GAK: variants seen among roughly 807,000 people sequenced by gnomAD.
GAK encodes the protein cyclin G associated kinase.
Under a neutral mutation model 143.9 loss-of-function variants are expected in GAK, and 79 were observed. The observed-to-expected ratio is 0.55, with a 90% CI of 0.46 to 0.66. The LOEUF is 0.66. GAK is among the 30% of genes least tolerant of loss of function. The probability of loss-of-function intolerance (pLI) is 0.00; values close to 1 mark genes in which losing one functional copy is unlikely to be tolerated. For missense variants in GAK, 1,693 were observed against 1,779.7 expected, an observed-to-expected ratio of 0.95 and a Z score of 0.88; for synonymous variants, 881 against 765.5, an observed-to-expected ratio of 1.15 and a Z score of -2.49.
At chr4:849,815 C>CGGGGGCGGGGGGGGGGGG in intron 27 of GAK, 41 bp from the exon 28 acceptor site, 1 of 1,493,232 alleles carries the variant, frequency 6.7e-7, no homozygotes, top group East Asian at 2.4e-5. Flanking sequence ...TATAAGCATG[C>CGGGGGCGGGGGGGGGGGG]GGGGGCGGGC....
intron 3 of GAK, chr4:912,356 A>G (rs1443388649): frequency 5.5e-6 from 2 of 366,758 alleles, no homozygotes; most frequent in South Asian, 4.0e-5. Flanking sequence ...CTGAGAAGCC[A>G]CATCGGGGCC....
chr4:893,897 T>A lies in GAK; in HGVS notation c.854A>T (p.Tyr285Phe). 2.5e-6 allele frequency: 4 copies of A among 1,607,842 alleles called. No individual in the cohort carries two copies. The highest frequency in any genetic ancestry group is 2.5e-6 in the Non-Finnish European group (3 of 1,176,888). Residue 285 changes from tyrosine (Y) to phenylalanine (F), a missense_variant, in exon 8 of 28, where the codon TAC (tyrosine) becomes TTC (phenylalanine). By Grantham distance (22) the Tyr-to-Phe change is conservative (BLOSUM62 3). This residue lies in a region of GAK where 871 missense variants were observed against 991.0 expected (regional missense o/e 0.88). Coordinates refer to ENST00000314167, the MANE Select transcript of GAK (RefSeq NM_005255.4). The stretch of plus-strand genomic sequence containing the variant: ...ACGGATGAGGCTGTGGAAGACCGTG[T>A]ACTGCGTGTCGTGCGGGGGGATCGA... ...KYSIPPHDTQ[Y>F]TVFHSLIRAM...
chr4:903,644 GA>G (rs758372754), intron 5 of GAK, among the ~76,000 whole-genome samples: 21 of 151,246 alleles, frequency 1.4e-4, no homozygotes, highest in Non-Finnish European at 2.9e-4. Flanking sequence ...ACCACCAGGG[GA>G]CTGAGGAAGG....
Position 914,561 on chromosome 4 carries a change from G to A in GAK, c.146-893C>T, listed in dbSNP as rs1243495330. 1.3e-4 allele frequency among the ~76,000 whole-genome samples: 9 copies of A among 71,372 alleles called. No homozygotes were observed. The Admixed American group carries it at 1.4e-3, about 11-fold the overall frequency. The allele number at this position is 71,372 out of a possible 152,430, so 46.8% of individuals were successfully genotyped here. On this transcript the variant is annotated intron_variant, in intron 1 of 27. Transcript: ENST00000314167. ...ACACACACACAGCCCCAGCGTGCAC[G>A]GCCCCCCACACACAGCCCCAGGGTG...
In GAK at chr4:866,418, G is replaced by T. The variant is rs749774313; in HGVS notation, c.2989C>A (p.Pro997Thr). The T allele has an allele frequency of 5.0e-6, 8 of 1,614,116 alleles. No individual in the cohort carries two copies. In the Middle Eastern group the frequency reaches 5.0e-4, roughly 100 times the overall value. The change falls in exon 22 of 28, where the codon CCG (proline) becomes ACG (threonine). Residue 997 changes from proline to threonine, a missense_variant. Around this residue, in one of 2 missense-constraint regions of GAK, gnomAD observed 822 missense variants for 788.7 expected, o/e 1.04. Transcript: ENST00000314167. ...GGGGGCGGAGCACTGTGGGCAGACG[G>T]GAAGGATGGTGGGACGGTCACAGAG... Reference protein sequence around the residue: ...SDSVTVPPSFPSAHSAPPPSC... With the variant: ...SDSVTVPPSFTSAHSAPPPSC...
At chr4:912,552 C>A (rs1722229868) in intron 3 of GAK, 183 bp downstream of exon 3, 5 of 516,648 alleles carry the variant, frequency 9.7e-6, no homozygotes, top group East Asian at 3.1e-5. Context: ...AAAAAAAAAA[C>A]AGAAAAAACT....
intron 12 of GAK, 128 bp downstream of exon 12, chr4:883,909 C>A: frequency 2.2e-6 from 2 of 926,998 alleles, no homozygotes; most frequent in Non-Finnish European, 3.3e-6. Flanking sequence ...CCCCAGGTCA[C>A]CCCTGTGAGT....
rs140323565 is a variant in GAK at position 879,067 on chromosome 4, G to A, written c.1662-1258C>T. 3.7e-4 allele frequency among the ~76,000 whole-genome samples: 56 copies of A among 152,310 alleles called. No homozygotes were observed. In the East Asian group the frequency reaches 6.9e-3, roughly 19 times the overall value. On this transcript the variant is annotated intron_variant, in intron 15 of 27. Transcript: ENST00000314167. ...AAATCGGCTTTCTCAGAGTCAGTGC[G>A]GCCAACACCTTGAACGGAGGAGAGG...
chr4:911,075 C>G (rs1272316997), intron 4 of GAK, among the ~76,000 whole-genome samples: 2 of 152,114 alleles, frequency 1.3e-5, no homozygotes, highest in Non-Finnish European at 2.9e-5. Flanking sequence ...ACCACCCCAA[C>G]CCACCGGCCT....
chr4:912,915 CCCGT>C, intron 2 of GAK, 121 bp from the exon 3 acceptor site: 3 of 694,882 alleles, frequency 4.3e-6, no homozygotes, highest in Non-Finnish European at 7.0e-6. Context: ...TACAGCTCCC[CCCGT>C]TTCGTGTGTC....
intron 13 of GAK, 139 bp downstream of exon 13, chr4:883,176 C>A: frequency 9.9e-7 from 1 of 1,010,810 alleles, no homozygotes; most frequent in Non-Finnish European, 1.4e-6. Context: ...CCCTCCTGTC[C>A]CACGCTCTGC....
In GAK at chr4:849,689, G is replaced by A. The variant is rs769703352; in HGVS notation, c.3920C>T (p.Ser1307Phe). The change falls in exon 28 of 28, where the codon TCC becomes TTC. Residue 1307 changes from serine (S) to phenylalanine (F), a missense_variant. By Grantham distance (155) the Ser-to-Phe change is radical. Around this residue, in one of 2 missense-constraint regions of GAK, gnomAD observed 822 missense variants for 788.7 expected, o/e 1.04. Transcript: ENST00000314167. ...DAWSEFENQG[S>F]RPLF Reference sequence around the variant, plus strand: ...ACTGCGGCCTCAGAAGAGGGGCCGGGAGCCCTGGTTCTCAAACTCCGACCA... The same window carrying A: ...ACTGCGGCCTCAGAAGAGGGGCCGGAAGCCCTGGTTCTCAAACTCCGACCA... The A allele has an allele frequency of 4.3e-6, 7 of 1,612,674 alleles. No homozygotes were observed. The African/African-American group carries it at 5.3e-5, about 12-fold the overall frequency.
intron 19 of GAK, chr4:868,922 C>T: frequency 1.9e-6 from 1 of 533,874 alleles, no homozygotes; most frequent in South Asian, 2.2e-5. Context: ...CACACATGAA[C>T]ACGCACAAGG....
intron 4 of GAK, among the ~76,000 whole-genome samples, chr4:905,141 C>G (rs1720824629): frequency 1.3e-5 from 2 of 152,182 alleles, no homozygotes. Context: ...CACAAAGTGG[C>G]CAGTGGGAAA....
chr4:867,514 TC>T (rs1751431206), intron 20 of GAK, 82 bp from the exon 21 acceptor site: 6 of 879,642 alleles, frequency 6.8e-6, no homozygotes, highest in Middle Eastern at 2.6e-4. Flanking sequence ...CTTCAGGGCC[TC>T]CTCGGCCCAG....
chr4:882,671 C>T (rs201628423), intron 14 of GAK, 26 bp downstream of exon 14: 62 of 1,606,676 alleles, frequency 3.9e-5, no homozygotes, highest in Middle Eastern at 3.4e-4. Context: ...CAGAAGACGG[C>T]GCCAGCCCAC....
At chr4:891,967 G>A (rs531200420) in intron 9 of GAK, among the ~76,000 whole-genome samples, 25 of 152,254 alleles carry the variant, frequency 1.6e-4, no homozygotes, top group African/African-American at 6.0e-4. Flanking sequence ...CCCTCTGCTG[G>A]TGCACCCACC....
At chr4:912,515 TG>T in intron 3 of GAK, 1 of 501,356 alleles carries the variant, frequency 2.0e-6, no homozygotes, top group Admixed American at 3.3e-5. Context: ...CCAACACTTC[TG>T]AATCTTCTAC....
chr4:889,042 G>A, intron 10 of GAK, 72 bp from the exon 11 acceptor site: 1 of 1,501,984 alleles, frequency 6.7e-7, no homozygotes, highest in East Asian at 2.4e-5. Flanking sequence ...TTGCTGGCTG[G>A]GCCCAGGCCC....
Sources: gnomAD v4.1 joint callset for allele counts (sites outside exome capture counted in the v4.1 genomes callset) on GRCh38, gnomAD v4.1.1 for gene constraint, gnomAD v4.1.1 regional missense constraint, MANE v1.5 for transcripts, NCBI Gene and HGNC (gene_info 2026-07-23, HGNC 2026-07-21) for gene names.